PDZRN4: variants seen among roughly 807,000 people sequenced by gnomAD.
PDZRN4 encodes the protein PDZ domain-containing RING finger protein 4.
A neutral mutation model predicts 99.0 loss-of-function variants in PDZRN4; 70 were observed. The ratio of observed to expected loss-of-function variants is 0.71; its 90% CI spans 0.58 to 0.86. The LOEUF is 0.86. Ranked by LOEUF, PDZRN4 falls within the 40% of genes least tolerant of loss-of-function variation. The probability of loss-of-function intolerance (pLI) is 0.00; values close to 1 mark genes in which losing one functional copy is unlikely to be tolerated. For missense variants in PDZRN4, 1,474 were observed against 1,331.2 expected (o/e 1.11, Z -1.67); for synonymous variants, 551 against 501.6 (o/e 1.10, Z -1.32).
At chr12:41,265,860 G>GAA (rs5797719) in intron 3 of PDZRN4, among the ~76,000 whole-genome samples, 40 of 151,672 alleles carry the variant, frequency 2.6e-4, no homozygotes, top group Non-Finnish European at 4.1e-4. Flanking sequence ...AGTTTACATT[G>GAA]AAAAAAGAAA....
At chr12:41,284,700 G>A (rs906847671) in intron 3 of PDZRN4, among the ~76,000 whole-genome samples, 5 of 152,040 alleles carry the variant, frequency 3.3e-5, no homozygotes, top group African/African-American at 7.2e-5. Flanking sequence ...CAGAAATAAT[G>A]CCACACACCT....
chr12:41,240,656 A>C (rs1951096024), intron 3 of PDZRN4, among the ~76,000 whole-genome samples: 1 of 152,188 alleles, frequency 6.6e-6, no homozygotes, highest in Non-Finnish European at 1.5e-5. Context: ...GAGGCTGGGA[A>C]GTTCAAGGTC....
chr12:41,429,985 C>T (rs1952572880), intron 3 of PDZRN4, among the ~76,000 whole-genome samples: 1 of 152,060 alleles, frequency 6.6e-6, no homozygotes, highest in African/African-American at 2.4e-5. Flanking sequence ...ATTATCCAAA[C>T]ATGGTACCTT....
At chr12:41,309,556 T>C (rs960624496) in intron 3 of PDZRN4, among the ~76,000 whole-genome samples, 32 of 152,184 alleles carry the variant, frequency 2.1e-4, no homozygotes, top group African/African-American at 7.5e-4. Flanking sequence ...TTTCAACACA[T>C]GCTTTTTTGG....
intron 5 of PDZRN4, among the ~76,000 whole-genome samples, chr12:41,540,451 T>C (rs59130169): frequency 0.16 from 24,231 of 152,066 alleles, 2,068 homozygotes; most frequent in South Asian, 0.24. Context: ...TTGATCTACC[T>C]TCAGGAACAT....
In PDZRN4 at chr12:41,294,598, TAA is replaced by T. The variant is rs1445366956; in HGVS notation, c.843+100411_843+100412del. On this transcript the variant is annotated intron_variant, in intron 3 of 9. Transcript: ENST00000402685. ...TATAACAAAGAGAGTACTTTGAAAC[TAA>T]GTTTCTTTATTAAAATAGAATAGAT... Among the ~76,000 whole-genome samples the T allele has an allele frequency of 3.9e-5, 6 of 152,140 alleles. 1 individual carries two copies. In the South Asian group the frequency reaches 8.3e-4, roughly 21 times the overall value.
chr12:41,300,306 G>C lies in PDZRN4; in HGVS notation c.843+106118G>C, dbSNP rs1180422336. Among the ~76,000 whole-genome samples the C allele has an allele frequency of 5.9e-5, 9 of 151,918 alleles. No individual in the cohort carries two copies. The South Asian group carries it at 1.9e-3, about 32-fold the overall frequency. ...GAAAACAAATGTACTATGTCAGTAA[G>C]TGATATGCCAAAGTCCCAACTCCTG... On this transcript the variant is annotated intron_variant, in intron 3 of 9. Coordinates refer to ENST00000402685, the MANE Select transcript of PDZRN4 (RefSeq NM_001164595.2).
intron 3 of PDZRN4, chr12:41,438,125 G>T (rs1447231045): frequency 1.5e-6 from 2 of 1,321,972 alleles, no homozygotes; most frequent in Non-Finnish European, 2.1e-6. Flanking sequence ...TTTCAGAATT[G>T]AGGGCAGACT....
At chr12:41,275,184 A>G (rs1430548208) in intron 3 of PDZRN4, among the ~76,000 whole-genome samples, 2 of 152,078 alleles carry the variant, frequency 1.3e-5, no homozygotes, top group Admixed American at 1.3e-4. Flanking sequence ...ATCCCAGGGA[A>G]CTGTGTGGCT....
At chr12:41,346,360 G>T (rs1439686351) in intron 3 of PDZRN4, among the ~76,000 whole-genome samples, 1 of 152,138 alleles carries the variant, frequency 6.6e-6, no homozygotes, top group East Asian at 1.9e-4. Flanking sequence ...TATTCGGGAG[G>T]CTGAGGCAGG....
At chr12:41,326,189 G>A (rs1592013148) in intron 3 of PDZRN4, among the ~76,000 whole-genome samples, 2 of 151,126 alleles carry the variant, frequency 1.3e-5, no homozygotes, top group Non-Finnish European at 2.9e-5. Context: ...CATTGCCCAG[G>A]GTGGTCTCAA....
chr12:41,285,959 C>T (rs557643898), intron 3 of PDZRN4, among the ~76,000 whole-genome samples: 30 of 151,974 alleles, frequency 2.0e-4, no homozygotes, highest in South Asian at 1.2e-3. Flanking sequence ...ACATAACAAA[C>T]GTGCACTTTC....
In PDZRN4 at chr12:41,572,397, G is replaced by A. The variant is rs142013358; in HGVS notation, c.1618G>A (p.Asp540Asn). 1 of 1,613,722 alleles carries A rather than the reference G, an allele frequency of 6.2e-7. No homozygotes were observed. Among genetic ancestry groups the A allele is most frequent in the East Asian group, 2.2e-5 (1 of 44,852 alleles). ...KKQEEEEGTT[D>N]TATSSSNNHE... is the part of the protein sequence containing the mutation. ...GCAAGAAGAAGAAGAAGGCACAACAGACACTGCAACATCCTCATCCAACAA... is the reference window on the plus strand; with the variant it reads ...GCAAGAAGAAGAAGAAGGCACAACAAACACTGCAACATCCTCATCCAACAA... Residue 540 changes from aspartate (D) to asparagine (N), a missense_variant, in exon 10 of 10, where the codon GAC becomes AAC. Coordinates refer to ENST00000402685, the MANE Select transcript of PDZRN4 (RefSeq NM_001164595.2).
chr12:41,281,056 T>G (rs1281579338), intron 3 of PDZRN4, among the ~76,000 whole-genome samples: 4 of 151,946 alleles, frequency 2.6e-5, no homozygotes, highest in African/African-American at 9.7e-5. Context: ...CCTCTGCTGG[T>G]GATACCCAGG....
intron 3 of PDZRN4, among the ~76,000 whole-genome samples, chr12:41,338,439 G>A (rs1439232379): frequency 2.0e-5 from 3 of 151,652 alleles, no homozygotes; most frequent in Non-Finnish European, 4.4e-5. Context: ...ATTTTGAATA[G>A]TATTCAAAAA....
At chr12:41,478,627 C>T (rs1056889396) in intron 3 of PDZRN4, among the ~76,000 whole-genome samples, 1 of 152,186 alleles carries the variant, frequency 6.6e-6, no homozygotes, top group Middle Eastern at 3.2e-3. Context: ...TCCTCCCATT[C>T]TCTACAGTTT....
At chr12:41,335,131 G>A (rs994833520) in intron 3 of PDZRN4, among the ~76,000 whole-genome samples, 5 of 152,098 alleles carry the variant, frequency 3.3e-5, no homozygotes, top group Admixed American at 3.3e-4. Flanking sequence ...CAATATTCTG[G>A]ATGGTGACAA....
chr12:41,290,319 T>C lies in PDZRN4; in HGVS notation c.843+96131T>C, dbSNP rs535010711. On this transcript the variant is annotated intron_variant, in intron 3 of 9. Transcript: ENST00000402685. The stretch of plus-strand genomic sequence containing the variant: ...TCATTGAGTGAAGGCTTTTAAAAAA[T>C]TCTTTGATTCAAAACATCTTTTGTT... 8.7e-4 allele frequency among the ~76,000 whole-genome samples: 132 copies of C among 152,310 alleles called. 1 individual carries two copies. The highest frequency in any genetic ancestry group is 7.4e-5 in the Non-Finnish European group (5 of 68,012).
chr12:41,420,311 C>A (rs1178183742), intron 3 of PDZRN4, among the ~76,000 whole-genome samples: 1 of 152,138 alleles, frequency 6.6e-6, no homozygotes, highest in African/African-American at 2.4e-5. Context: ...CATCTTCAGC[C>A]TCTTCTTTCT....
Sources: gnomAD v4.1 joint callset for allele counts (sites outside exome capture counted in the v4.1 genomes callset) on GRCh38, gnomAD v4.1.1 for gene constraint, MANE v1.5 for transcripts, NCBI Gene and HGNC (gene_info 2026-07-23, HGNC 2026-07-21) for gene names.